Variants in PROS1 observed in about 807,000 individuals in gnomAD.
The protein encoded by PROS1 is protein S.
Under a neutral mutation model 75.9 loss-of-function variants are expected in PROS1, and 29 were observed. That is an observed-to-expected ratio of 0.38 (90% CI 0.28 to 0.52). PROS1 has a LOEUF of 0.52. Among genes scored for constraint, PROS1 ranks in the 20% least tolerant of loss-of-function variants. The pLI, the probability that PROS1 is intolerant of heterozygous loss-of-function variation, is 0.83. For missense variants in PROS1, 680 were observed against 810.3 expected (o/e 0.84, Z 1.95); for synonymous variants, 245 against 280.6 (o/e 0.87, Z 1.27).
At chr3:93,969,074 C>A (rs1242474543) in intron 1 of PROS1, among the ~76,000 whole-genome samples, 1 of 151,452 alleles carries the variant, frequency 6.6e-6, no homozygotes, top group Non-Finnish European at 1.5e-5. Flanking sequence ...GCCCTAAAAC[C>A]ATTACCTGTA....
chr3:93,950,191 G>A (rs192976967), intron 1 of PROS1, among the ~76,000 whole-genome samples: 2 of 152,266 alleles, frequency 1.3e-5, no homozygotes, highest in South Asian at 2.1e-4. Flanking sequence ...CAGGAAGCTC[G>A]AACTGGGTGG....
chr3:93,903,342 A>C (rs546634338), intron 6 of PROS1, among the ~76,000 whole-genome samples: 66 of 152,310 alleles, frequency 4.3e-4, no homozygotes, highest in African/African-American at 1.5e-3. Flanking sequence ...TGAGTGGATA[A>C]GAATTAAATA....
At chr3:93,915,630 T>C (rs1243710489) in intron 3 of PROS1, among the ~76,000 whole-genome samples, 1 of 152,228 alleles carries the variant, frequency 6.6e-6, no homozygotes, top group African/African-American at 2.4e-5. Context: ...TGTAACAATG[T>C]TGGTCTTTAC....
intron 1 of PROS1, among the ~76,000 whole-genome samples, chr3:93,952,314 C>A (rs1402559980): frequency 6.6e-6 from 1 of 152,116 alleles, no homozygotes; most frequent in Admixed American, 6.6e-5. Context: ...CCAAAATTGA[C>A]CACATAGTTG....
chr3:93,943,766 A>G (rs1394997604), intron 1 of PROS1, among the ~76,000 whole-genome samples: 4 of 152,192 alleles, frequency 2.6e-5, no homozygotes, highest in Non-Finnish European at 2.9e-5. Context: ...GCAAGTGAAG[A>G]ATCACCAAAG....
At chr3:93,950,987 G>A (rs1346374329) in intron 1 of PROS1, among the ~76,000 whole-genome samples, 1 of 152,158 alleles carries the variant, frequency 6.6e-6, no homozygotes, top group East Asian at 1.9e-4. Context: ...ATAGAGAAGA[G>A]CTTAAATGAC....
At chr3:93,929,387 G>A (rs910019075) in intron 1 of PROS1, among the ~76,000 whole-genome samples, 2 of 152,118 alleles carry the variant, frequency 1.3e-5, no homozygotes, top group African/African-American at 4.8e-5. Flanking sequence ...GCTGAGGCAG[G>A]AGGATCACTT....
intron 1 of PROS1, among the ~76,000 whole-genome samples, chr3:93,956,226 G>A (rs962496153): frequency 2.6e-5 from 4 of 151,900 alleles, no homozygotes; most frequent in African/African-American, 9.7e-5. Context: ...GGAAACTTTT[G>A]GTTATACTCT....
chr3:93,972,577 G>T (rs531531706), intron 1 of PROS1, among the ~76,000 whole-genome samples: 1 of 151,854 alleles, frequency 6.6e-6, no homozygotes, highest in African/African-American at 2.4e-5. Flanking sequence ...GGTGGCTCAC[G>T]CCTGTAATCC....
At chr3:93,953,226 T>A (rs1257088364) in intron 1 of PROS1, among the ~76,000 whole-genome samples, 2 of 152,210 alleles carry the variant, frequency 1.3e-5, no homozygotes, top group African/African-American at 2.4e-5. Context: ...ACTCATTTTA[T>A]GAGGCCAGCA....
At position 93,882,783 on chromosome 3, in the gene PROS1, T is replaced by C. The variant is rs1294767976; in HGVS notation, c.1492+1945A>G. ...AGAAAACAGAGTGCAGGGAAGGAGA[T>C]CCGAAAAAGCCTCTCTCTTAATATG... is the stretch of plus-strand genomic sequence containing the variant. On this transcript the variant is annotated intron_variant, in intron 12 of 14. Coordinates refer to ENST00000394236, the MANE Select transcript of PROS1 (RefSeq NM_000313.4). Among the ~76,000 whole-genome samples the C allele has an allele frequency of 2.0e-5, 3 of 151,896 alleles. No individual in the cohort carries two copies. The East Asian group carries it at 5.8e-4, about 29-fold the overall frequency.
chr3:93,950,375 G>C (rs1709476671), intron 1 of PROS1, among the ~76,000 whole-genome samples: 1 of 152,184 alleles, frequency 6.6e-6, no homozygotes. Flanking sequence ...AGAACCGACA[G>C]ACTGCCTCCT....
intron 1 of PROS1, among the ~76,000 whole-genome samples, chr3:93,949,904 C>T (rs1201799561): frequency 6.6e-6 from 1 of 152,158 alleles, no homozygotes; most frequent in Non-Finnish European, 1.5e-5. Flanking sequence ...CCGGGAAGTG[C>T]AAGGGGTCGG....
chr3:93,970,492 C>T, intron 1 of PROS1, among the ~76,000 whole-genome samples: 1 of 152,006 alleles, frequency 6.6e-6, no homozygotes, highest in Non-Finnish European at 1.5e-5. Flanking sequence ...TGTACCAACA[C>T]ATCCGGCTAA....
intron 3 of PROS1, among the ~76,000 whole-genome samples, chr3:93,913,127 G>A (rs1265045114): frequency 1.3e-5 from 2 of 152,180 alleles, no homozygotes; most frequent in Non-Finnish European, 2.9e-5. Flanking sequence ...CTGTTCTCAT[G>A]ATAGTGAGTG....
chr3:93,891,236 ATCT>A (rs1256973797), intron 10 of PROS1, among the ~76,000 whole-genome samples: 4 of 152,188 alleles, frequency 2.6e-5, no homozygotes, highest in African/African-American at 9.7e-5. Context: ...GGTGAAGCCA[ATCT>A]TCTCTCAGCT....
At chr3:93,888,455 T>C (rs1247770677) in intron 10 of PROS1, among the ~76,000 whole-genome samples, 1 of 152,232 alleles carries the variant, frequency 6.6e-6, no homozygotes, top group Non-Finnish European at 1.5e-5. Context: ...AGAATTATTT[T>C]GGTTTTGATT....
intron 14 of PROS1, among the ~76,000 whole-genome samples, chr3:93,875,567 T>A (rs1708169930): frequency 6.6e-6 from 1 of 152,154 alleles, no homozygotes; most frequent in Admixed American, 6.5e-5. Context: ...CAATATAGAA[T>A]TTATTCATTT....
In PROS1 at chr3:93,873,811, T is replaced by A. The variant is rs1486253687; in HGVS notation, c.*434A>T. The A allele has an allele frequency of 5.1e-6, 1 of 197,220 alleles. No homozygotes were observed. The allele number at this position is 197,220 out of a possible 1,614,324, so 12.2% of individuals were successfully genotyped here. A position where few individuals can be genotyped will look rare whatever the true frequency, so the allele number is the denominator to read the frequency against. On this transcript the variant is annotated 3_prime_UTR_variant, in exon 15 of 15. Transcript: ENST00000394236. ...TAGACCACCATCTCTTCTGCCTTCA[T>A]CAGGAAAAAAACAAAAACATAAACA...
Sources: allele counts gnomAD v4.1 joint callset (sites outside exome capture counted in the v4.1 genomes callset), GRCh38; gene constraint gnomAD v4.1.1; transcripts MANE v1.5; gene names NCBI Gene and HGNC (gene_info 2026-07-23, HGNC 2026-07-21).